ADGRL3: variants seen among roughly 807,000 people sequenced by gnomAD.
ADGRL3 encodes the protein adhesion G protein-coupled receptor L3, also known as calcium-independent alpha-latrotoxin receptor 3.
ADGRL3 carries 62 observed loss-of-function variants against 153.5 expected under a neutral mutation model. The observed-to-expected ratio is 0.40, with a 90% confidence interval of 0.33 to 0.50. The LOEUF (loss-of-function observed/expected upper bound fraction) is 0.50, where lower values mean the gene tolerates loss of function less well. Ranked by LOEUF, ADGRL3 falls within the 20% of genes least tolerant of loss-of-function variation. The pLI is 0.47. For synonymous variants in ADGRL3, 710 were observed against 672.5 expected, an observed-to-expected ratio of 1.06 and a Z score of -0.86; for missense variants, 1,641 against 1,859.4, an observed-to-expected ratio of 0.88 and a Z score of 2.16.
chr4:61,327,312 A>C (rs909354064), intron 1 of ADGRL3, among the ~76,000 whole-genome samples: 9 of 141,284 alleles, frequency 6.4e-5, no homozygotes, highest in African/African-American at 2.3e-4. Context: ...TAAGCTACAC[A>C]TTGAGTTTTA....
intron 17 of ADGRL3, among the ~76,000 whole-genome samples, chr4:61,964,595 T>A (rs908526368): frequency 6.6e-6 from 1 of 152,114 alleles, no homozygotes; most frequent in Non-Finnish European, 1.5e-5. Context: ...AAATGTTGGT[T>A]ATGTGAACAT....
At chr4:61,904,177 T>TAAA (rs5858740) in intron 11 of ADGRL3, among the ~76,000 whole-genome samples, 24 of 136,130 alleles carry the variant, frequency 1.8e-4, no homozygotes, top group African/African-American at 5.7e-4. Flanking sequence ...TATTGTTCAT[T>TAAA]AAAAAAAAAA....
chr4:61,670,088 G>A (rs941044849), intron 5 of ADGRL3, among the ~76,000 whole-genome samples: 3 of 152,152 alleles, frequency 2.0e-5, no homozygotes, highest in Non-Finnish European at 2.9e-5. Context: ...GAGGTCAAGA[G>A]ATCGAGACCA....
intron 1 of ADGRL3, among the ~76,000 whole-genome samples, chr4:61,376,378 A>G (rs866561250): frequency 6.7e-6 from 1 of 148,628 alleles, no homozygotes; most frequent in African/African-American, 2.4e-5. Flanking sequence ...AAAACAGAGG[A>G]TAAGTTAAAT....
intron 1 of ADGRL3, among the ~76,000 whole-genome samples, chr4:61,225,760 G>T (rs779711783): frequency 1.3e-5 from 2 of 152,100 alleles, no homozygotes; most frequent in African/African-American, 4.8e-5. Context: ...TTCTTAAGGA[G>T]CCCAAGTCCT....
intron 25 of ADGRL3, among the ~76,000 whole-genome samples, chr4:62,067,218 A>G (rs1328993072): frequency 6.6e-6 from 1 of 152,136 alleles, no homozygotes; most frequent in East Asian, 1.9e-4. Context: ...AAATTATAGT[A>G]AGATAGAACC....
At chr4:61,863,532 C>T (rs2098370187) in intron 9 of ADGRL3, among the ~76,000 whole-genome samples, 2 of 151,968 alleles carry the variant, frequency 1.3e-5, no homozygotes, top group East Asian at 2.0e-4. Flanking sequence ...CCACCGTGCC[C>T]GGCCTGGGCA....
intron 1 of ADGRL3, among the ~76,000 whole-genome samples, chr4:61,349,902 C>A (rs1176197398): frequency 6.6e-6 from 1 of 152,100 alleles, no homozygotes; most frequent in Non-Finnish European, 1.5e-5. Flanking sequence ...ATACCTTGAT[C>A]TTATTTGGTT....
chr4:61,991,129 C>G (rs930005274), intron 19 of ADGRL3, among the ~76,000 whole-genome samples: 4 of 151,848 alleles, frequency 2.6e-5, no homozygotes, highest in African/African-American at 9.7e-5. Flanking sequence ...CTTATTATTA[C>G]TGGTACTATT....
intron 4 of ADGRL3, among the ~76,000 whole-genome samples, chr4:61,585,409 A>G (rs930951659): frequency 2.6e-5 from 4 of 151,994 alleles, no homozygotes; most frequent in African/African-American, 9.7e-5. Flanking sequence ...TCAAGAGAAA[A>G]TATTTATAGT....
At chr4:61,756,636 G>A (rs2152115107) in intron 8 of ADGRL3, among the ~76,000 whole-genome samples, 1 of 152,162 alleles carries the variant, frequency 6.6e-6, no homozygotes, top group African/African-American at 2.4e-5. Context: ...GATTGCCCTG[G>A]CCAGAACTTC....
rs148317916 is a variant in ADGRL3, at chr4:61,224,550, A to G, written c.-240+22785A>G. Among the ~76,000 whole-genome samples, 697 of 152,336 alleles carry G rather than the reference A, an allele frequency of 4.6e-3. 7 individuals are homozygous for G. Among genetic ancestry groups the G allele is most frequent in the African/African-American group, 0.016 (658 of 41,586 alleles). ...AGTTGGTCTTATATTTCTTAAGGCCAGAAAAAGAAGTGTGTGTGTAGGGGA... is the reference window on the plus strand; with the variant it reads ...AGTTGGTCTTATATTTCTTAAGGCCGGAAAAAGAAGTGTGTGTGTAGGGGA... On this transcript the variant is annotated intron_variant, in intron 1 of 26. Coordinates refer to ENST00000683033, the MANE Select transcript of ADGRL3 (RefSeq NM_001387552.1).
At position 61,804,087 on chromosome 4, in the gene ADGRL3, A is replaced by G. The variant is rs184225615; in HGVS notation, c.1400-9722A>G. Among the ~76,000 whole-genome samples the G allele has an allele frequency of 1.8e-4, 27 of 152,328 alleles. No individual in the cohort carries two copies. In the East Asian group the frequency reaches 5.0e-3, roughly 28 times the overall value. On this transcript the variant is annotated intron_variant, in intron 8 of 26. Coordinates refer to ENST00000683033, the MANE Select transcript of ADGRL3 (RefSeq NM_001387552.1). The stretch of plus-strand genomic sequence containing the variant: ...ACTATAGGAAGTTGTATTCTATACA[A>G]TGATATATTTTAAATTATCTTGAAA...
intron 1 of ADGRL3, among the ~76,000 whole-genome samples, chr4:61,275,202 G>T (rs2093403164): frequency 6.6e-6 from 1 of 152,104 alleles, no homozygotes; most frequent in Admixed American, 6.6e-5. Context: ...GTTGTCAGTT[G>T]TGCCATTTAA....
At chr4:61,511,450 C>G (rs1024896715) in intron 3 of ADGRL3, among the ~76,000 whole-genome samples, 1 of 152,168 alleles carries the variant, frequency 6.6e-6, no homozygotes, top group African/African-American at 2.4e-5. Flanking sequence ...TTTATCATGT[C>G]TAGGAACTTT....
At chr4:61,558,042 C>T (rs2098775373) in intron 4 of ADGRL3, among the ~76,000 whole-genome samples, 1 of 150,206 alleles carries the variant, frequency 6.7e-6, no homozygotes, top group African/African-American at 2.4e-5. Flanking sequence ...TGTAAGAATA[C>T]ATATTCTGCA....
At chr4:61,403,494 A>G (rs2096955997) in intron 2 of ADGRL3, among the ~76,000 whole-genome samples, 1 of 152,052 alleles carries the variant, frequency 6.6e-6, no homozygotes, top group Non-Finnish European at 1.5e-5. Context: ...AGGCCATTGC[A>G]CTGGAGAAGA....
At chr4:61,470,796 T>TA (rs1213161803) in intron 2 of ADGRL3, among the ~76,000 whole-genome samples, 3 of 151,850 alleles carry the variant, frequency 2.0e-5, no homozygotes, top group South Asian at 2.1e-4. Context: ...TACAAAGATT[T>TA]AAAAAAATAA....
intron 3 of ADGRL3, among the ~76,000 whole-genome samples, chr4:61,499,415 G>A (rs564031775): frequency 6.6e-6 from 1 of 152,244 alleles, no homozygotes; most frequent in African/African-American, 2.4e-5. Flanking sequence ...ATTTTGTGAT[G>A]TGGGAAAATA....
Sources: gnomAD v4.1 joint callset for allele counts (sites outside exome capture counted in the v4.1 genomes callset) on GRCh38, gnomAD v4.1.1 for gene constraint, MANE v1.5 for transcripts, NCBI Gene and HGNC (gene_info 2026-07-23, HGNC 2026-07-21) for gene names.